Variants in MARS1 observed in about 807,000 individuals in gnomAD.
MARS1 encodes methionine--tRNA ligase, cytoplasmic.
In MARS1, 80 loss-of-function variants were observed where a neutral mutation model predicts 119.5. The observed-to-expected ratio is 0.67, with a 90% CI of 0.56 to 0.81. MARS1 has a LOEUF of 0.81. MARS1 is among the 30% of genes least tolerant of loss of function. The pLI is 0.00. For synonymous variants in MARS1, 418 were observed against 433.4 expected (o/e 0.96, Z 0.44); for missense variants, 945 against 1,116.5 (o/e 0.85, Z 2.19).
chr12:57,510,069 T>C (rs1027544582), intron 11 of MARS1, among the ~76,000 whole-genome samples: 7 of 151,926 alleles, frequency 4.6e-5, no homozygotes, highest in Non-Finnish European at 8.8e-5. Flanking sequence ...TGGAGTGCAG[T>C]GGCACAATCA....
intron 11 of MARS1, among the ~76,000 whole-genome samples, chr12:57,509,574 T>A (rs1416746521): frequency 6.6e-6 from 1 of 151,922 alleles, no homozygotes; most frequent in African/African-American, 2.4e-5. Context: ...ACCCAGCTAA[T>A]TTTTTTTGTA....
At chr12:57,499,531 G>A (rs1176443668) in intron 9 of MARS1, among the ~76,000 whole-genome samples, 1 of 151,010 alleles carries the variant, frequency 6.6e-6, no homozygotes, top group African/African-American at 2.4e-5. Context: ...ATGAACCCGG[G>A]AGGCAGAGCT....
intron 1 of MARS1, 153 bp downstream of exon 1, chr12:57,488,352 C>A: frequency 1.3e-6 from 1 of 754,146 alleles, no homozygotes; most frequent in East Asian, 2.7e-5. Context: ...CGCCTTCTTC[C>A]CTCCCAGTCA....
intron 7 of MARS1, among the ~76,000 whole-genome samples, chr12:57,497,278 C>T (rs575694094): frequency 1.2e-4 from 18 of 152,138 alleles, no homozygotes; most frequent in Admixed American, 2.6e-4. Flanking sequence ...TAGTGAGATG[C>T]GTTTTATGGA....
intron 14 of MARS1, 56 bp from the exon 15 acceptor site, chr12:57,512,695 G>C (rs769731252): frequency 7.4e-7 from 1 of 1,348,696 alleles, no homozygotes; most frequent in South Asian, 1.2e-5. Context: ...TAGTGGGCTA[G>C]AGAGGGGAAG....
intron 7 of MARS1, among the ~76,000 whole-genome samples, chr12:57,493,585 A>ATT (rs1876245743): frequency 9.2e-5 from 1 of 10,924 alleles, no homozygotes; most frequent in Non-Finnish European, 1.3e-4. Context: ...TATAATATAT[A>ATT]ATATATTATA....
chr12:57,516,394 T>C, intron 20 of MARS1, 41 bp from the exon 21 acceptor site: 1 of 1,611,812 alleles, frequency 6.2e-7, no homozygotes, highest in East Asian at 2.2e-5. Flanking sequence ...ATAGATCTTT[T>C]TCTTGCCTCA....
chr12:57,509,951 T>C (rs1877425662), intron 11 of MARS1, among the ~76,000 whole-genome samples: 1 of 152,200 alleles, frequency 6.6e-6, no homozygotes, highest in Non-Finnish European at 1.5e-5. Context: ...AAAAAGAGTT[T>C]AGGATTTGTT....
Position 57,489,268 on chromosome 12 carries a change from TA to T in MARS1, c.203del (p.Tyr68PhefsTer36), listed in dbSNP as rs1389157004. 4 of 1,613,530 alleles carry T rather than the reference TA, an allele frequency of 2.5e-6. No homozygotes were observed. Among genetic ancestry groups the T allele is most frequent in the South Asian group, 1.1e-5 (1 of 91,066 alleles). On this transcript the variant is annotated frameshift_variant and splice_region_variant, in exon 3 of 21. Transcript: ENST00000262027. LOFTEE classifies it high-confidence loss of function. ...ATCTGTTGCTCTCTCTCTGGGCAGA[TA>T]TTTTTTTTTGTTATCTGGCTGGGAG... ...YLFSTSAICR[Y>X]FFLLSGWEQD...
chr12:57,510,366 G>T (rs1877449618), intron 11 of MARS1, among the ~76,000 whole-genome samples: 1 of 152,182 alleles, frequency 6.6e-6, no homozygotes, highest in East Asian at 1.9e-4. Context: ...CAGCTACTCA[G>T]GAGGCTGAGG....
chr12:57,516,626 A>G lies in MARS1; in HGVS notation c.*45A>G. 6 of 1,537,778 alleles carry G rather than the reference A, an allele frequency of 3.9e-6. No individual in the cohort carries two copies. The highest frequency in any genetic ancestry group is 5.2e-6 in the Non-Finnish European group (6 of 1,147,872). On this transcript the variant is annotated 3_prime_UTR_variant, in exon 21 of 21. Transcript: ENST00000262027. Reference sequence around the variant, plus strand: ...AGTCACTTTAATAGATAGGGACAGTAATAAATAAATGTACAATCTCTATAT... The same window carrying G: ...AGTCACTTTAATAGATAGGGACAGTGATAAATAAATGTACAATCTCTATAT...
At chr12:57,499,723 A>AC (rs1195532311) in intron 9 of MARS1, among the ~76,000 whole-genome samples, 1 of 151,888 alleles carries the variant, frequency 6.6e-6, no homozygotes, top group African/African-American at 2.4e-5. Flanking sequence ...ACATGGTGAA[A>AC]CCCCATCTCT....
chr12:57,514,891 G>C (rs201687363), intron 16 of MARS1, 40 bp downstream of exon 16: 7 of 1,613,328 alleles, frequency 4.3e-6, no homozygotes, highest in Non-Finnish European at 5.9e-6. Context: ...CTGGCATGTT[G>C]AGAGCCTCCT....
At chr12:57,508,108 C>A (rs113861679) in intron 11 of MARS1, among the ~76,000 whole-genome samples, 2 of 151,788 alleles carry the variant, frequency 1.3e-5, no homozygotes, top group Non-Finnish European at 3.0e-5. Flanking sequence ...GGGATGGCAG[C>A]TGGGAAGAGG....
chr12:57,513,557 TG>T (rs1404286537), intron 15 of MARS1, among the ~76,000 whole-genome samples: 1 of 136,512 alleles, frequency 7.3e-6, no homozygotes, highest in Non-Finnish European at 1.5e-5. Flanking sequence ...GAGGCTGCAG[TG>T]GAGCAGTACT....
chr12:57,489,390 G>A lies in MARS1; in HGVS notation c.280-34G>A, dbSNP rs775791721. ...GATGTCAGGCAGGCCCTTGTTCTGC[G>A]TGGCCATCCTGACTCATGTCCCCTG... On this transcript the variant is annotated intron_variant, in intron 3 of 20. Transcript: ENST00000262027. 8.7e-6 allele frequency: 14 copies of A among 1,614,132 alleles called. No homozygotes were observed. The Admixed American group carries it at 1.3e-4, about 15-fold the overall frequency.
Position 57,514,801 on chromosome 12 carries a change from C to T in MARS1, c.2049C>T (p.Ala683=). The part of the protein sequence containing the change: ...VLTPDDQRLL[A]HVTLELQHYH... ...CCCCTGATGATCAGCGCCTGCTGGCCCATGTCACCCTGGAGCTCCAGCACT... is the reference window on the plus strand; with the variant it reads ...CCCCTGATGATCAGCGCCTGCTGGCTCATGTCACCCTGGAGCTCCAGCACT... The change falls in exon 16 of 21, where the codon GCC becomes GCT. Residue 683 remains alanine (A), a synonymous_variant. Transcript: ENST00000262027. 3 of 1,614,174 alleles carry T rather than the reference C, an allele frequency of 1.9e-6. No individual in the cohort carries two copies. Among genetic ancestry groups the T allele is most frequent in the Non-Finnish European group, 2.5e-6 (3 of 1,180,038 alleles).
chr12:57,492,753 G>C (rs1398330820), intron 7 of MARS1, among the ~76,000 whole-genome samples: 1 of 151,590 alleles, frequency 6.6e-6, no homozygotes, highest in African/African-American at 2.4e-5. Flanking sequence ...ATTAAGTAGG[G>C]GCTAGTTAGG....
chr12:57,506,644 C>T (rs1594826770), intron 11 of MARS1, among the ~76,000 whole-genome samples: 1 of 152,080 alleles, frequency 6.6e-6, no homozygotes, highest in Non-Finnish European at 1.5e-5. Flanking sequence ...ATATTTTCCC[C>T]ATTGCAACTT....
Sources: allele counts gnomAD v4.1 joint callset (sites outside exome capture counted in the v4.1 genomes callset), GRCh38; gene constraint gnomAD v4.1.1; transcripts MANE v1.5; gene names NCBI Gene and HGNC (gene_info 2026-07-23, HGNC 2026-07-21).